NOS1: variants seen among roughly 807,000 people sequenced by gnomAD.
NOS1 encodes nitric oxide synthase 1, also known as NOS type I.
NOS1 carries 51 observed loss-of-function variants against 164.5 expected under a neutral mutation model. The observed-to-expected ratio is 0.31, with a 90% CI of 0.25 to 0.39. NOS1 has a LOEUF of 0.39. NOS1 is among the 10% of genes least tolerant of loss of function. The pLI is 1.00. For synonymous variants in NOS1, 719 were observed against 745.8 expected (o/e 0.96, Z 0.59); for missense variants, 1,362 against 1,885.6 (o/e 0.72, Z 5.14).
chr12:117,230,788 C>A (rs73395626), intron 22 of NOS1, among the ~76,000 whole-genome samples: 173 of 152,306 alleles, frequency 1.1e-3, no homozygotes, highest in African/African-American at 3.8e-3. Flanking sequence ...TCTGCATTGG[C>A]AAAAGCTCAT....
chr12:117,231,825 G>A (rs1592933691), intron 22 of NOS1, 137 bp downstream of exon 22: 1 of 927,794 alleles, frequency 1.1e-6, no homozygotes, highest in East Asian at 2.7e-5. Flanking sequence ...CAGCCAATAT[G>A]GCAATCTACA....
chr12:117,227,142 G>A (rs1868764232), intron 23 of NOS1, among the ~76,000 whole-genome samples: 1 of 152,196 alleles, frequency 6.6e-6, no homozygotes, highest in Admixed American at 6.5e-5. Flanking sequence ...ATACAGCAGA[G>A]CGCTCTCCCA....
intron 1 of NOS1, among the ~76,000 whole-genome samples, chr12:117,357,834 G>A (rs1039156865): frequency 1.3e-5 from 2 of 152,186 alleles, no homozygotes; most frequent in African/African-American, 2.4e-5. Context: ...ATATTAGAAC[G>A]AGGAAAATGG....
intron 16 of NOS1, among the ~76,000 whole-genome samples, chr12:117,255,461 A>T (rs1871364177): frequency 6.6e-6 from 1 of 152,208 alleles, no homozygotes; most frequent in Non-Finnish European, 1.5e-5. Context: ...AGGGTTTCTA[A>T]GCTGGATGTT....
chr12:117,304,462 G>A (rs1348042610), intron 3 of NOS1, among the ~76,000 whole-genome samples: 1 of 152,110 alleles, frequency 6.6e-6, no homozygotes, highest in Non-Finnish European at 1.5e-5. Context: ...AGCACTAATT[G>A]AATCTTATGT....
intron 10 of NOS1, among the ~76,000 whole-genome samples, chr12:117,271,199 C>T (rs1282361410): frequency 6.6e-6 from 1 of 152,156 alleles, no homozygotes; most frequent in East Asian, 1.9e-4. Context: ...CCAGGCATCA[C>T]GAAGCCCCCC....
At chr12:117,319,300 G>A (rs1874805107) in intron 2 of NOS1, among the ~76,000 whole-genome samples, 1 of 152,190 alleles carries the variant, frequency 6.6e-6, no homozygotes, top group East Asian at 1.9e-4. Context: ...CAATCCTCCT[G>A]CCTTGGCCTC....
At chr12:117,339,070 A>G (rs1875972030) in intron 1 of NOS1, among the ~76,000 whole-genome samples, 2 of 152,194 alleles carry the variant, frequency 1.3e-5, no homozygotes, top group African/African-American at 4.8e-5. Flanking sequence ...CTGAACTGCT[A>G]ATTTGCAGTC....
chr12:117,225,269 G>A, intron 24 of NOS1, 132 bp from the exon 25 acceptor site: 1 of 1,212,626 alleles, frequency 8.2e-7, no homozygotes, highest in East Asian at 2.6e-5. Context: ...GCCGGGGCCA[G>A]GTGCCCCTTT....
rs578192976 is a variant in NOS1 at position 117,302,451 on chromosome 12, G to A, written c.852+9015C>T. 4.6e-5 allele frequency among the ~76,000 whole-genome samples: 7 copies of A among 152,082 alleles called. No homozygotes were observed. The East Asian group carries it at 5.9e-4, about 13-fold the overall frequency. ...CTACTAAAAATACAAAAAATTAGCCGGGTGAGGTGGCGGGCGCCTGTAGTC... is the reference window on the plus strand; with the variant it reads ...CTACTAAAAATACAAAAAATTAGCCAGGTGAGGTGGCGGGCGCCTGTAGTC... On this transcript the variant is annotated intron_variant, in intron 3 of 28. Coordinates refer to ENST00000317775, the MANE Select transcript of NOS1 (RefSeq NM_000620.5).
chr12:117,293,005 C>T (rs775053714), intron 3 of NOS1, among the ~76,000 whole-genome samples: 7 of 152,122 alleles, frequency 4.6e-5, no homozygotes, highest in South Asian at 4.1e-4. Context: ...AAGATGAGTA[C>T]GTGCTAGCCA....
At chr12:117,222,479 C>T (rs1956723079) in intron 26 of NOS1, among the ~76,000 whole-genome samples, 1 of 152,066 alleles carries the variant, frequency 6.6e-6, no homozygotes. Flanking sequence ...GTCTCCAACT[C>T]CTGACCTCAA....
chr12:117,211,698 C>A lies in NOS1; in HGVS notation c.*3611G>T. On this transcript the variant is annotated 3_prime_UTR_variant, in exon 29 of 29. Transcript: ENST00000317775. Reference sequence around the variant, plus strand: ...GACAACTCTTACCTTCCAGAAGCTACCAGTGAAATCCCGCCCATTTCTCAA... The same window carrying A: ...GACAACTCTTACCTTCCAGAAGCTAACAGTGAAATCCCGCCCATTTCTCAA... The A allele has an allele frequency of 2.0e-6, 2 of 985,510 alleles. No individual in the cohort carries two copies. The highest frequency in any genetic ancestry group is 2.4e-6 in the Non-Finnish European group (2 of 830,036). 61.0% of individuals were successfully genotyped at this position (985,510 alleles called of 1,614,324 possible). A position where few individuals can be genotyped will look rare whatever the true frequency, so the allele number is the denominator to read the frequency against.
At chr12:117,338,342 C>T (rs1334743947) in intron 1 of NOS1, among the ~76,000 whole-genome samples, 3 of 151,338 alleles carry the variant, frequency 2.0e-5, no homozygotes, top group Non-Finnish European at 4.4e-5. Flanking sequence ...TTGAGGCTAC[C>T]GTGAGCCAAG....
intron 27 of NOS1, 85 bp from the exon 28 acceptor site, chr12:117,218,249 T>G: frequency 1.1e-6 from 1 of 941,366 alleles, no homozygotes; most frequent in Non-Finnish European, 1.8e-6. Flanking sequence ...ACACCTGGAA[T>G]GGAATATCCC....
In NOS1 at chr12:117,208,880, G is replaced by A. The variant is rs1215977384; in HGVS notation, c.*6429C>T. The A allele has an allele frequency of 1.2e-5, 7 of 607,764 alleles. No homozygotes were observed. The highest frequency in any genetic ancestry group is 1.4e-4 in the South Asian group (2 of 13,878). 37.6% of individuals were successfully genotyped at this position (607,764 alleles called of 1,614,324 possible). On this transcript the variant is annotated 3_prime_UTR_variant, in exon 29 of 29. Transcript: ENST00000317775. Reference sequence around the variant, plus strand: ...TGGGATTACAGATGCCCGCCACCACGCCGGGCTGATTTTTGTATTTTTAGT... The same window carrying A: ...TGGGATTACAGATGCCCGCCACCACACCGGGCTGATTTTTGTATTTTTAGT...
At chr12:117,300,763 A>G (rs1873764741) in intron 3 of NOS1, among the ~76,000 whole-genome samples, 1 of 152,140 alleles carries the variant, frequency 6.6e-6, no homozygotes, top group Admixed American at 6.5e-5. Context: ...TAGGGGCAAA[A>G]ATGAGTTGGA....
intron 13 of NOS1, among the ~76,000 whole-genome samples, chr12:117,261,853 G>C (rs1308655430): frequency 6.6e-6 from 1 of 152,160 alleles, no homozygotes; most frequent in Non-Finnish European, 1.5e-5. Context: ...TGGGAAGTCT[G>C]AACATCAAAT....
Position 117,211,399 on chromosome 12 carries a change from C to A in NOS1, c.*3910G>T, listed in dbSNP as rs117665273. 19,494 of 985,470 alleles carry A rather than the reference C, an allele frequency of 0.02. 232 individuals carry two copies. Among genetic ancestry groups the A allele is most frequent in the Non-Finnish European group, 0.022 (17,994 of 829,988 alleles). 61.0% of individuals were successfully genotyped at this position (985,470 alleles called of 1,614,324 possible). A position where few individuals can be genotyped will look rare whatever the true frequency, so the allele number is the denominator to read the frequency against. ...AGCCTTGGTTGCAGCAATAACCCCC[C>A]CAACAGCTCAACGGGCCATGCTCTG... On this transcript the variant is annotated 3_prime_UTR_variant, in exon 29 of 29. Coordinates refer to ENST00000317775, the MANE Select transcript of NOS1 (RefSeq NM_000620.5).
Sources: allele counts gnomAD v4.1 joint callset (sites outside exome capture counted in the v4.1 genomes callset), GRCh38; gene constraint gnomAD v4.1.1; transcripts MANE v1.5; gene names NCBI Gene and HGNC (gene_info 2026-07-23, HGNC 2026-07-21).